BAIAP2L1: variants seen among roughly 807,000 people sequenced by gnomAD.
The protein encoded by BAIAP2L1 is BAR/IMD domain-containing adapter protein 2-like 1.
Under a neutral mutation model 66.3 loss-of-function variants are expected in BAIAP2L1, and 35 were observed. The ratio of observed to expected loss-of-function variants is 0.53; its 90% CI spans 0.40 to 0.70. The LOEUF is 0.70. BAIAP2L1 is among the 30% of genes least tolerant of loss of function. The pLI, the probability that BAIAP2L1 is intolerant of heterozygous loss-of-function variation, is 0.00. For missense variants in BAIAP2L1, 622 were observed against 656.9 expected, an observed-to-expected ratio of 0.95 and a Z score of 0.58; for synonymous variants, 269 against 248.7, an observed-to-expected ratio of 1.08 and a Z score of -0.77.
chr7:98,376,427 C>T (rs899324166), intron 1 of BAIAP2L1, among the ~76,000 whole-genome samples: 2 of 152,154 alleles, frequency 1.3e-5, no homozygotes, highest in Non-Finnish European at 2.9e-5. Context: ...GGGAGAATTG[C>T]TTGAGCCAGA....
chr7:98,347,140 A>C (rs913708868), intron 3 of BAIAP2L1, among the ~76,000 whole-genome samples: 1 of 149,878 alleles, frequency 6.7e-6, no homozygotes, highest in South Asian at 2.1e-4. Flanking sequence ...CAATTTGCTA[A>C]AGCATAGAAA....
intron 1 of BAIAP2L1, among the ~76,000 whole-genome samples, chr7:98,399,784 A>T (rs1803308296): frequency 6.6e-6 from 1 of 152,196 alleles, no homozygotes; most frequent in Non-Finnish European, 1.5e-5. Context: ...TTCTCTCCTA[A>T]TACATGCAAG....
At chr7:98,296,248 C>CCTG (rs1221259668) in intron 12 of BAIAP2L1, among the ~76,000 whole-genome samples, 1 of 152,220 alleles carries the variant, frequency 6.6e-6, no homozygotes, top group Admixed American at 6.5e-5. Context: ...CCGGGAACGT[C>CCTG]CTGCTGGGTA....
At chr7:98,302,771 A>G (rs181484749) in intron 12 of BAIAP2L1, among the ~76,000 whole-genome samples, 5 of 152,174 alleles carry the variant, frequency 3.3e-5, no homozygotes, top group Admixed American at 3.3e-4. Flanking sequence ...ATCCAGATTC[A>G]AACAACTACA....
intron 1 of BAIAP2L1, among the ~76,000 whole-genome samples, chr7:98,365,669 A>G (rs1447919284): frequency 6.6e-6 from 1 of 152,028 alleles, no homozygotes; most frequent in African/African-American, 2.4e-5. Context: ...TGGTAGAGAC[A>G]GGGTTTTGCC....
chr7:98,310,387 G>A, intron 9 of BAIAP2L1, 58 bp downstream of exon 9: 1 of 1,524,188 alleles, frequency 6.6e-7, no homozygotes, highest in Non-Finnish European at 8.9e-7. Context: ...TTATTTCACA[G>A]CTTATCTTAA....
At chr7:98,366,641 CA>C (rs1317276930) in intron 1 of BAIAP2L1, among the ~76,000 whole-genome samples, 1 of 152,122 alleles carries the variant, frequency 6.6e-6, no homozygotes, top group African/African-American at 2.4e-5. Flanking sequence ...AATGGGTTCT[CA>C]AAAGGAAGAA....
chr7:98,318,546 T>C (rs969760911), intron 5 of BAIAP2L1, among the ~76,000 whole-genome samples: 2 of 151,422 alleles, frequency 1.3e-5, no homozygotes, highest in South Asian at 4.3e-4. Flanking sequence ...CCCAAAGTGC[T>C]GGGATTACAG....
At chr7:98,360,113 G>C (rs1232146723) in intron 2 of BAIAP2L1, among the ~76,000 whole-genome samples, 1 of 152,064 alleles carries the variant, frequency 6.6e-6, no homozygotes, top group Non-Finnish European at 1.5e-5. Context: ...AGTAGAGACA[G>C]GGATTTACCA....
chr7:98,299,567 G>A (rs1425132734), intron 12 of BAIAP2L1, among the ~76,000 whole-genome samples: 2 of 152,012 alleles, frequency 1.3e-5, no homozygotes, highest in African/African-American at 4.8e-5. Context: ...CTGTCGCTCA[G>A]GCTGGACTTG....
At chr7:98,394,333 A>C (rs1206215310) in intron 1 of BAIAP2L1, among the ~76,000 whole-genome samples, 2 of 152,134 alleles carry the variant, frequency 1.3e-5, no homozygotes, top group Non-Finnish European at 2.9e-5. Flanking sequence ...AGTCTAATGA[A>C]CTTCAGTTTA....
chr7:98,370,844 C>T (rs1802496652), intron 1 of BAIAP2L1, among the ~76,000 whole-genome samples: 1 of 152,136 alleles, frequency 6.6e-6, no homozygotes, highest in African/African-American at 2.4e-5. Context: ...CCTATATTGG[C>T]TCTTCACCTA....
intron 1 of BAIAP2L1, among the ~76,000 whole-genome samples, chr7:98,392,869 T>TTCAACCTCC: frequency 1.0e-5 from 1 of 97,208 alleles, no homozygotes; most frequent in Non-Finnish European, 2.7e-5. Context: ...CTCAGCTCAC[T>TTCAACCTCC]GCAACCTCCG....
intron 8 of BAIAP2L1, among the ~76,000 whole-genome samples, chr7:98,310,853 T>C (rs1415317103): frequency 6.6e-6 from 1 of 152,002 alleles, no homozygotes; most frequent in Non-Finnish European, 1.5e-5. Flanking sequence ...ATCTGGCTAT[T>C]TTTTGTATTT....
intron 8 of BAIAP2L1, 117 bp from the exon 9 acceptor site, chr7:98,310,709 CAG>C: frequency 1.9e-6 from 1 of 528,008 alleles, no homozygotes; most frequent in Non-Finnish European, 2.9e-6. Flanking sequence ...TATTTTGAGA[CAG>C]AGTCTCGCTG....
intron 3 of BAIAP2L1, among the ~76,000 whole-genome samples, chr7:98,338,278 C>T (rs536289121): frequency 4.6e-5 from 7 of 152,134 alleles, no homozygotes; most frequent in African/African-American, 1.4e-4. Context: ...AAAAATTAGC[C>T]GGGCGCGGTG....
At chr7:98,380,769 AACCACCACCACCGCCACT>A (rs1397205607) in intron 1 of BAIAP2L1, among the ~76,000 whole-genome samples, 4 of 148,100 alleles carry the variant, frequency 2.7e-5, no homozygotes, top group African/African-American at 9.9e-5. Context: ...AAAAAAAAGG[AACCACCACCACCGCCACT>A]ACCACCACCA....
At chr7:98,342,807 T>C (rs1487318028) in intron 3 of BAIAP2L1, among the ~76,000 whole-genome samples, 2 of 152,196 alleles carry the variant, frequency 1.3e-5, no homozygotes, top group African/African-American at 2.4e-5. Context: ...CCATTTCTGT[T>C]TTCCCTTTCA....
chr7:98,294,045 C>T (rs1303138950), intron 13 of BAIAP2L1, 29 bp downstream of exon 13: 3 of 1,612,180 alleles, frequency 1.9e-6, no homozygotes, highest in South Asian at 2.2e-5. Flanking sequence ...ATGTCACACA[C>T]TGAGGCTCAC....
Sources: gnomAD v4.1 joint callset for allele counts (sites outside exome capture counted in the v4.1 genomes callset) on GRCh38, gnomAD v4.1.1 for gene constraint, MANE v1.5 for transcripts, NCBI Gene and HGNC (gene_info 2026-07-23, HGNC 2026-07-21) for gene names.